Variants in ICA1 observed in about 807,000 individuals in gnomAD.
ICA1 encodes islet cell autoantigen 1.
In ICA1, 40 loss-of-function variants were observed where a neutral mutation model predicts 71.0. The observed-to-expected ratio is 0.56, with a 90% CI of 0.44 to 0.73. ICA1 has a LOEUF of 0.73. Ranked by LOEUF, ICA1 falls within the 30% of genes least tolerant of loss-of-function variation. The pLI is 0.00. For synonymous variants in ICA1, 207 were observed against 209.5 expected (o/e 0.99, Z 0.10); for missense variants, 578 against 576.5 (o/e 1.00, Z -0.03).
chr7:8,220,461 C>G (rs1313433329), intron 5 of ICA1, among the ~76,000 whole-genome samples: 2 of 152,162 alleles, frequency 1.3e-5, no homozygotes, highest in African/African-American at 4.8e-5. Context: ...AGTGAAATTT[C>G]TATAGCTTGA....
intron 6 of ICA1, among the ~76,000 whole-genome samples, chr7:8,202,411 T>A (rs3779366): frequency 0.49 from 73,864 of 152,094 alleles, 21,986 homozygotes; most frequent in South Asian, 0.74. Context: ...TTCATGTAAA[T>A]TGCTTAGAAC....
chr7:8,203,350 G>C (rs944244924), intron 6 of ICA1, among the ~76,000 whole-genome samples: 1 of 152,010 alleles, frequency 6.6e-6, no homozygotes, highest in Admixed American at 6.6e-5. Context: ...AAAAAGTTAA[G>C]ACATAAGAAA....
chr7:8,174,755 CAAAAAAAAAAAAAAAA>C (rs1218712832), intron 6 of ICA1, among the ~76,000 whole-genome samples: 1 of 83,484 alleles, frequency 1.2e-5, no homozygotes, highest in Non-Finnish European at 2.2e-5. Context: ...GACTGTATCT[CAAAAAAAAAAAAAAAA>C]AAAAAAAACA....
intron 1 of ICA1, among the ~76,000 whole-genome samples, chr7:8,249,000 A>G (rs943230769): frequency 1.3e-5 from 2 of 152,252 alleles, no homozygotes; most frequent in African/African-American, 4.8e-5. Flanking sequence ...TTTTTTATAT[A>G]TGATAAAATG....
intron 6 of ICA1, among the ~76,000 whole-genome samples, chr7:8,214,829 A>C (rs1418148287): frequency 6.6e-6 from 1 of 152,200 alleles, no homozygotes; most frequent in Non-Finnish European, 1.5e-5. Flanking sequence ...ATCTGAAGAC[A>C]CTATGAAAAA....
Position 8,254,986 on chromosome 7 carries a change from G to A in ICA1, c.-80+7108C>T, listed in dbSNP as rs561278990. ...ACTGCGCTGGGCACCTTCTGTCACAGTTTCCACTCTCTGTGCACCCCTGCT... is the reference window on the plus strand; with the variant it reads ...ACTGCGCTGGGCACCTTCTGTCACAATTTCCACTCTCTGTGCACCCCTGCT... On this transcript the variant is annotated intron_variant, in intron 1 of 13. Transcript: ENST00000402384. Among the ~76,000 whole-genome samples, 26 of 152,242 alleles carry A rather than the reference G, an allele frequency of 1.7e-4. 1 individual carries two copies. The South Asian group carries it at 5.4e-3, about 32-fold the overall frequency.
intron 13 of ICA1, among the ~76,000 whole-genome samples, chr7:8,127,368 G>A (rs1338333650): frequency 2.0e-5 from 3 of 152,014 alleles, no homozygotes; most frequent in African/African-American, 4.8e-5. Context: ...CCTGTGTTTC[G>A]GGCAGAACCA....
chr7:8,258,858 T>C (rs1369942786), intron 1 of ICA1, among the ~76,000 whole-genome samples: 1 of 152,216 alleles, frequency 6.6e-6, no homozygotes, highest in Non-Finnish European at 1.5e-5. Flanking sequence ...ACCATATGCA[T>C]CTATCCAGGG....
intron 7 of ICA1, chr7:8,157,478 G>C (rs1802048149): frequency 4.5e-6 from 2 of 440,906 alleles, no homozygotes; most frequent in African/African-American, 2.0e-5. Context: ...TTTCTCATCT[G>C]ATCCATCCTC....
rs184692672 is a variant in ICA1, at chr7:8,173,818, A to G, written c.580-15166T>C. On this transcript the variant is annotated intron_variant, in intron 6 of 13. Coordinates refer to ENST00000402384, the MANE Select transcript of ICA1 (RefSeq NM_001136020.3). The surrounding 1 kb of genome is among the most constrained non-coding windows in gnomAD (Gnocchi z 4.0). ...CCCTCTCTTCCTCCTCCCAAGCAAT[A>G]TAATTGAACACCTATAGCTCTCGGT... Among the ~76,000 whole-genome samples, 1,156 of 152,152 alleles carry G rather than the reference A, an allele frequency of 7.6e-3. 14 individuals carry two copies. Among genetic ancestry groups the G allele is most frequent in the African/African-American group, 0.027 (1,104 of 41,492 alleles).
At chr7:8,155,983 T>C (rs1043279717) in intron 8 of ICA1, among the ~76,000 whole-genome samples, 7 of 152,180 alleles carry the variant, frequency 4.6e-5, no homozygotes, top group Non-Finnish European at 2.9e-5. Context: ...AAAACAGTGC[T>C]CACTGTGAAC....
At chr7:8,155,538 G>C (rs1402557940) in intron 8 of ICA1, among the ~76,000 whole-genome samples, 1 of 152,098 alleles carries the variant, frequency 6.6e-6, no homozygotes, top group African/African-American at 2.4e-5. Context: ...ACTCATGCCT[G>C]AAGTTCTTCT....
intron 13 of ICA1, among the ~76,000 whole-genome samples, chr7:8,120,981 C>G (rs536279310): frequency 6.6e-6 from 1 of 152,226 alleles, no homozygotes; most frequent in African/African-American, 2.4e-5. Flanking sequence ...TGGCCAAGCA[C>G]CATCCTGACA....
In ICA1 at chr7:8,224,601, T is replaced by G. The variant is rs555104775; in HGVS notation, c.257-3203A>C. 4.6e-5 allele frequency among the ~76,000 whole-genome samples: 7 copies of G among 152,360 alleles called. No individual in the cohort carries two copies. The East Asian group carries it at 1.3e-3, about 29-fold the overall frequency. On this transcript the variant is annotated intron_variant, in intron 4 of 13. Coordinates refer to ENST00000402384, the MANE Select transcript of ICA1 (RefSeq NM_001136020.3). ...CTTATATTTACATTTTACATAATCATGGCACAATAATCAACATTAGGAAAT... is the reference window on the plus strand; with the variant it reads ...CTTATATTTACATTTTACATAATCAGGGCACAATAATCAACATTAGGAAAT...
At chr7:8,175,107 T>C (rs182793916) in intron 6 of ICA1, among the ~76,000 whole-genome samples, 166 of 151,600 alleles carry the variant, frequency 1.1e-3, no homozygotes, top group African/African-American at 4.0e-3. Context: ...TGGGGCTGAG[T>C]GAGAGGTTGA....
chr7:8,157,893 T>G (rs1411539287), intron 7 of ICA1: 1 of 152,256 alleles, frequency 6.6e-6, no homozygotes, highest in African/African-American at 2.4e-5. Context: ...TTTCACCATG[T>G]TGGCCAGGCT....
At chr7:8,152,725 T>TCTCCTC (rs1799612322) in intron 8 of ICA1, among the ~76,000 whole-genome samples, 9 of 19,724 alleles carry the variant, frequency 4.6e-4, no homozygotes, top group Non-Finnish European at 6.9e-4. Context: ...TCCTCCACCA[T>TCTCCTC]CACCACCACC....
At chr7:8,194,053 T>C (rs546611784) in intron 6 of ICA1, among the ~76,000 whole-genome samples, 50 of 152,338 alleles carry the variant, frequency 3.3e-4, no homozygotes, top group African/African-American at 1.2e-3. Context: ...GTTATCTTCA[T>C]AGATAAAATG....
intron 6 of ICA1, among the ~76,000 whole-genome samples, chr7:8,207,520 T>C (rs981227483): frequency 3.3e-5 from 5 of 152,236 alleles, no homozygotes; most frequent in African/African-American, 1.2e-4. Flanking sequence ...GTAACTGTCC[T>C]GAAAATTTTA....
Sources: allele counts gnomAD v4.1 joint callset (sites outside exome capture counted in the v4.1 genomes callset), GRCh38; gene constraint gnomAD v4.1.1; non-coding constraint Gnocchi (gnomAD v3.1); transcripts MANE v1.5; gene names NCBI Gene and HGNC (gene_info 2026-07-23, HGNC 2026-07-21).